The following GLDC variants were observed in gnomAD, a reference collection of about 807,000 sequenced individuals.
GLDC encodes glycine dehydrogenase (decarboxylating), mitochondrial.
In GLDC, 104 loss-of-function variants were observed where a neutral mutation model predicts 121.3. The ratio of observed to expected loss-of-function variants is 0.86; its 90% confidence interval spans 0.73 to 1.01. The LOEUF is 1.01. Ranked by LOEUF, GLDC falls within the 50% of genes least tolerant of loss-of-function variation. GLDC has a pLI of 0.00. For synonymous variants in GLDC, 546 were observed against 480.6 expected (o/e 1.14, Z -1.78); for missense variants, 1,429 against 1,306.6 (o/e 1.09, Z -1.44).
chr9:6,641,505 G>T (rs1819627743), intron 2 of GLDC, among the ~76,000 whole-genome samples: 1 of 152,184 alleles, frequency 6.6e-6, no homozygotes, highest in African/African-American at 2.4e-5. Context: ...GCAAAGTAGT[G>T]GATGGAGTGT....
At chr9:6,614,465 G>T (rs1818928841) in intron 3 of GLDC, among the ~76,000 whole-genome samples, 1 of 152,000 alleles carries the variant, frequency 6.6e-6, no homozygotes, top group Admixed American at 6.6e-5. Flanking sequence ...CAAACTCCTG[G>T]GCTCAAAGAC....
intron 2 of GLDC, among the ~76,000 whole-genome samples, chr9:6,638,337 C>T (rs1290909035): frequency 1.3e-5 from 2 of 151,996 alleles, no homozygotes; most frequent in Non-Finnish European, 2.9e-5. Flanking sequence ...GCCTCAGCGT[C>T]CCAAGTAGCT....
At chr9:6,644,873 G>C in intron 1 of GLDC, 181 bp from the exon 2 acceptor site, 1 of 647,368 alleles carries the variant, frequency 1.5e-6, no homozygotes, top group Non-Finnish European at 2.7e-6. Flanking sequence ...TCGTGAAGTG[G>C]GGTGGAGATT....
At chr9:6,588,287 T>C in intron 14 of GLDC, 114 bp downstream of exon 14, 1 of 813,458 alleles carries the variant, frequency 1.2e-6, no homozygotes. Flanking sequence ...ATTATTAAAA[T>C]AGTTCTTCAA....
At chr9:6,546,589 G>A (rs536169735) in intron 21 of GLDC, among the ~76,000 whole-genome samples, 3 of 152,046 alleles carry the variant, frequency 2.0e-5, no homozygotes, top group Non-Finnish European at 4.4e-5. Flanking sequence ...GCCTTCTTCT[G>A]GAATACCTCC....
rs187685740 is a variant in GLDC at position 6,601,588 on chromosome 9, C to T, written c.1155+521G>A. On this transcript the variant is annotated intron_variant, in intron 8 of 24. Transcript: ENST00000321612. ...AGGCAAATGGTGTACATATAAAGAA[C>T]ACCAGTAAAACACAGTGTCTTTTTC... is the stretch of plus-strand genomic sequence containing the variant. Among the ~76,000 whole-genome samples, 960 of 152,124 alleles carry T rather than the reference C, an allele frequency of 6.3e-3. 9 individuals are homozygous for T. Among genetic ancestry groups the T allele is most frequent in the Non-Finnish European group, 0.011 (753 of 67,976 alleles).
At chr9:6,622,528 T>C (rs1218589031) in intron 2 of GLDC, among the ~76,000 whole-genome samples, 1 of 151,956 alleles carries the variant, frequency 6.6e-6, no homozygotes, top group African/African-American at 2.4e-5. Context: ...GCAGACAGAG[T>C]CTCGTTCACT....
chr9:6,594,803 AAAAGAAAG>A (rs78626191), intron 9 of GLDC, among the ~76,000 whole-genome samples: 169 of 150,028 alleles, frequency 1.1e-3, no homozygotes, highest in South Asian at 5.9e-3. Flanking sequence ...AAAAGGAAAT[AAAAGAAAG>A]AAAGAAAGAA....
At chr9:6,569,714 G>T (rs1313762648) in intron 15 of GLDC, among the ~76,000 whole-genome samples, 3 of 151,082 alleles carry the variant, frequency 2.0e-5, no homozygotes, top group Non-Finnish European at 4.4e-5. Context: ...ATGCCTGCAT[G>T]CCTGTAATCA....
chr9:6,553,633 C>T (rs1334774249), intron 19 of GLDC, 124 bp from the exon 20 acceptor site: 9 of 866,084 alleles, frequency 1.0e-5, no homozygotes, highest in Non-Finnish European at 1.7e-5. Flanking sequence ...GGAAGGGACT[C>T]TCCACCTGCT....
At chr9:6,583,402 C>T (rs552447885) in intron 15 of GLDC, among the ~76,000 whole-genome samples, 167 of 152,260 alleles carry the variant, frequency 1.1e-3, no homozygotes, top group African/African-American at 3.8e-3. Context: ...AGGCCAGGCG[C>T]AGGAGATCAT....
intron 22 of GLDC, 124 bp downstream of exon 22, chr9:6,539,926 AG>A: frequency 1.3e-6 from 1 of 756,132 alleles, no homozygotes; most frequent in Admixed American, 2.0e-5. Context: ...GAGGTTGCCA[AG>A]AACCCTGAGC....
intron 2 of GLDC, among the ~76,000 whole-genome samples, chr9:6,633,844 T>TTG: frequency 8.6e-6 from 1 of 115,696 alleles, no homozygotes; most frequent in African/African-American, 3.2e-5. Context: ...TTTTTTTTTT[T>TTG]TTTGAGACGG....
chr9:6,595,656 G>A (rs575317464), intron 8 of GLDC, among the ~76,000 whole-genome samples: 2 of 152,302 alleles, frequency 1.3e-5, no homozygotes, highest in African/African-American at 4.8e-5. Context: ...TGTGGCAAAG[G>A]ACTGGCAAAA....
intron 2 of GLDC, among the ~76,000 whole-genome samples, chr9:6,644,043 A>C (rs1199468922): frequency 2.7e-5 from 4 of 148,512 alleles, no homozygotes; most frequent in Non-Finnish European, 5.9e-5. Context: ...AAAAAAAAAA[A>C]AAAAAAACGA....
intron 2 of GLDC, among the ~76,000 whole-genome samples, chr9:6,625,392 C>T (rs1563867927): frequency 6.6e-6 from 1 of 152,124 alleles, no homozygotes; most frequent in Non-Finnish European, 1.5e-5. Flanking sequence ...GGCTGCATGC[C>T]TGGAGAAAAA....
chr9:6,577,079 A>T (rs1818079008), intron 15 of GLDC, among the ~76,000 whole-genome samples: 1 of 152,342 alleles, frequency 6.6e-6, no homozygotes, highest in African/African-American at 2.4e-5. Context: ...AAAGAACAAA[A>T]GCCTTCTGTG....
chr9:6,623,066 G>T (rs13284797), intron 2 of GLDC: 17 of 176,130 alleles, frequency 9.7e-5, no homozygotes, highest in Admixed American at 2.7e-4. Flanking sequence ...CCGCCCCTAC[G>T]GGGAAGTGAG....
chr9:6,570,877 T>C (rs116217159), intron 15 of GLDC, among the ~76,000 whole-genome samples: 2,185 of 150,932 alleles, frequency 0.014, 51 homozygotes, highest in African/African-American at 0.051. Flanking sequence ...AAAAAAAGTT[T>C]CTCGGGGTAT....
Sources: allele counts gnomAD v4.1 joint callset (sites outside exome capture counted in the v4.1 genomes callset), GRCh38; gene constraint gnomAD v4.1.1; transcripts MANE v1.5; gene names NCBI Gene and HGNC (gene_info 2026-07-23, HGNC 2026-07-21).